Variants in SHISA9 observed in about 807,000 individuals in gnomAD.
SHISA9 encodes the protein protein shisa-9.
A neutral mutation model predicts 38.0 loss-of-function variants in SHISA9; 13 were observed. The ratio of observed to expected loss-of-function variants is 0.34; its 90% confidence interval spans 0.22 to 0.54. The LOEUF (loss-of-function observed/expected upper bound fraction) is 0.54, where lower values mean the gene tolerates loss of function less well. Among genes scored for constraint, SHISA9 ranks in the 20% least tolerant of loss-of-function variants. The pLI is 0.91. For missense variants in SHISA9, 538 were observed against 575.8 expected (o/e 0.93, Z 0.67); for synonymous variants, 275 against 242.0 (o/e 1.14, Z -1.27).
chr16:13,040,606 G>A (rs970944029), intron 2 of SHISA9, among the ~76,000 whole-genome samples: 1 of 152,170 alleles, frequency 6.6e-6, no homozygotes, highest in Non-Finnish European at 1.5e-5. Flanking sequence ...TAAACTTCAA[G>A]AGAGCAGGGA....
chr16:13,333,890 A>T, the SHISA9 span, among the ~76,000 whole-genome samples: 1 of 152,206 alleles, frequency 6.6e-6, no homozygotes, highest in Admixed American at 6.5e-5. Flanking sequence ...GTTACAAAGG[A>T]TAGCAAAGAC....
the SHISA9 span, among the ~76,000 whole-genome samples, chr16:13,475,666 T>C: frequency 6.6e-6 from 1 of 152,198 alleles, no homozygotes; most frequent in South Asian, 2.1e-4. Context: ...ATATCACATT[T>C]ATTGCGGATT....
intron 2 of SHISA9, among the ~76,000 whole-genome samples, chr16:13,126,043 A>G (rs2050253519): frequency 6.6e-6 from 1 of 152,206 alleles, no homozygotes; most frequent in Non-Finnish European, 1.5e-5. Flanking sequence ...AGGAGGTGAG[A>G]AGGAGGTGAA....
At chr16:13,032,514 C>T (rs2073004009) in intron 2 of SHISA9, among the ~76,000 whole-genome samples, 1 of 152,166 alleles carries the variant, frequency 6.6e-6, no homozygotes, top group Non-Finnish European at 1.5e-5. Context: ...GTGCCCCTAA[C>T]CTCATTTCCC....
intron 2 of SHISA9, among the ~76,000 whole-genome samples, chr16:12,928,179 T>A (rs114588094): frequency 0.019 from 2,882 of 151,866 alleles, 76 homozygotes; most frequent in African/African-American, 0.059. Context: ...ATCTTATATT[T>A]TTTTTTTGCC....
the SHISA9 span, among the ~76,000 whole-genome samples, chr16:13,420,245 CAA>C: frequency 5.2e-4 from 26 of 50,394 alleles, no homozygotes; most frequent in Non-Finnish European, 6.9e-4. Flanking sequence ...GAATCTGTTT[CAA>C]AAAAAAAAAA....
At chr16:13,007,098 A>G (rs2072607687) in intron 2 of SHISA9, among the ~76,000 whole-genome samples, 1 of 152,172 alleles carries the variant, frequency 6.6e-6, no homozygotes, top group Non-Finnish European at 1.5e-5. Flanking sequence ...TATTCTAGAT[A>G]CTAGAGATAA....
chr16:13,051,341 G>A (rs1316511071), intron 2 of SHISA9, among the ~76,000 whole-genome samples: 2 of 152,216 alleles, frequency 1.3e-5, no homozygotes, highest in Non-Finnish European at 2.9e-5. Context: ...CACAAGAACA[G>A]TATGGGGGAA....
In SHISA9 at chr16:13,236,624, G is replaced by A. The variant is rs1350359334; in HGVS notation, c.*1215G>A. 1 of 152,202 alleles carries A rather than the reference G, an allele frequency of 6.6e-6. No homozygotes were observed. Among genetic ancestry groups the A allele is most frequent in the African/African-American group, 2.4e-5 (1 of 41,400 alleles). 9.4% of individuals were successfully genotyped at this position (152,202 alleles called of 1,614,324 possible). ...CCCAAGTGCAACCTGTGTTCTTTTA[G>A]CCTTCCTTCCTCTTCTTTTTCTGCA... is the stretch of plus-strand genomic sequence containing the variant. On this transcript the variant is annotated 3_prime_UTR_variant, in exon 5 of 5. Transcript: ENST00000558583.
chr16:13,424,921 T>C, the SHISA9 span, among the ~76,000 whole-genome samples: 2 of 152,180 alleles, frequency 1.3e-5, no homozygotes, highest in South Asian at 4.1e-4. Context: ...GAAACTCTTG[T>C]CCCAGGCCAG....
the SHISA9 span, among the ~76,000 whole-genome samples, chr16:13,299,022 C>G: frequency 6.6e-6 from 1 of 152,170 alleles, no homozygotes; most frequent in South Asian, 2.1e-4. Flanking sequence ...CTCAGAGCTG[C>G]AAGGATAAGG....
At chr16:13,526,336 C>T in the SHISA9 span, among the ~76,000 whole-genome samples, 1 of 152,264 alleles carries the variant, frequency 6.6e-6, no homozygotes, top group South Asian at 2.1e-4. Context: ...GCTTTTTAGC[C>T]TCATGTCTTC....
chr16:13,473,034 G>T, the SHISA9 span, among the ~76,000 whole-genome samples: 1 of 152,230 alleles, frequency 6.6e-6, no homozygotes, highest in Admixed American at 6.5e-5. Context: ...TTATATGCCT[G>T]TTAATTTTTG....
chr16:13,273,718 G>A, the SHISA9 span, among the ~76,000 whole-genome samples: 1 of 152,098 alleles, frequency 6.6e-6, no homozygotes, highest in Non-Finnish European at 1.5e-5. Flanking sequence ...TATTGCACAG[G>A]AAAATTATGA....
the SHISA9 span, among the ~76,000 whole-genome samples, chr16:13,556,466 C>A: frequency 1.3e-5 from 2 of 152,094 alleles, no homozygotes; most frequent in East Asian, 1.9e-4. Flanking sequence ...CGAGACCATC[C>A]TGGCTAACAT....
chr16:13,349,860 A>G, the SHISA9 span, among the ~76,000 whole-genome samples: 1 of 152,200 alleles, frequency 6.6e-6, no homozygotes, highest in Non-Finnish European at 1.5e-5. Flanking sequence ...GAACTAGGTT[A>G]AATAAGCAAA....
rs2051137879 is a variant in SHISA9 at position 13,213,311 on chromosome 16, G to C, written c.895+11G>C. 6 of 1,550,978 alleles carry C rather than the reference G, an allele frequency of 3.9e-6. No individual in the cohort carries two copies. The highest frequency in any genetic ancestry group is 1.4e-5 in the African/African-American group (1 of 73,040). ...TTAAGTCACCAAAAGGTACTGTACA[G>C]CTTTTTCTAGCTCTTTTGTCCAGGT... On this transcript the variant is annotated intron_variant, in intron 4 of 4. Transcript: ENST00000558583.
chr16:13,276,016 C>T, the SHISA9 span, among the ~76,000 whole-genome samples: 1 of 151,862 alleles, frequency 6.6e-6, no homozygotes, highest in African/African-American at 2.4e-5. Flanking sequence ...AATTTTGGTG[C>T]ACCCATCATG....
intron 2 of SHISA9, among the ~76,000 whole-genome samples, chr16:13,152,525 A>G (rs1345298180): frequency 6.6e-6 from 1 of 152,230 alleles, no homozygotes; most frequent in African/African-American, 2.4e-5. Flanking sequence ...GGGAAGTTTC[A>G]GAGTTCTGGA....
Sources: gnomAD v4.1 joint callset for allele counts (sites outside exome capture counted in the v4.1 genomes callset) on GRCh38, gnomAD v4.1.1 for gene constraint, MANE v1.5 for transcripts, NCBI Gene and HGNC (gene_info 2026-07-23, HGNC 2026-07-21) for gene names.